Variants in ADGRL2 observed in about 807,000 individuals in gnomAD.
ADGRL2 encodes the protein adhesion G protein-coupled receptor L2.
In ADGRL2, 44 loss-of-function variants were observed where a neutral mutation model predicts 157.4. The observed-to-expected ratio is 0.28, with a 90% CI of 0.22 to 0.36. The LOEUF (loss-of-function observed/expected upper bound fraction) is 0.36, where lower values mean the gene tolerates loss of function less well. Among genes scored for constraint, ADGRL2 ranks in the 10% least tolerant of loss-of-function variants. ADGRL2 has a pLI of 1.00. For synonymous variants in ADGRL2, 585 were observed against 624.7 expected, an observed-to-expected ratio of 0.94 and a Z score of 0.95; for missense variants, 1,510 against 1,768.9, an observed-to-expected ratio of 0.85 and a Z score of 2.63.
intron 22 of ADGRL2, chr1:81,987,533 C>T: frequency 1.7e-6 from 1 of 586,922 alleles, no homozygotes; most frequent in Non-Finnish European, 3.1e-6. Flanking sequence ...AGAAAAATTT[C>T]AGAATAAAGT....
chr1:81,481,657 T>A (rs1234695663), intron 2 of ADGRL2, among the ~76,000 whole-genome samples: 1 of 152,182 alleles, frequency 6.6e-6, no homozygotes, highest in Non-Finnish European at 1.5e-5. Context: ...CTCTGGCACA[T>A]AGCTAAATAA....
intron 1 of ADGRL2, among the ~76,000 whole-genome samples, chr1:81,355,851 C>G (rs1663245239): frequency 6.6e-6 from 1 of 152,174 alleles, no homozygotes. Context: ...GTCTTCGTAA[C>G]CCCTGGATTA....
chr1:81,984,835 T>A, intron 20 of ADGRL2, 124 bp downstream of exon 20: 1 of 1,119,928 alleles, frequency 8.9e-7, no homozygotes, highest in Non-Finnish European at 1.3e-6. Context: ...ATACTTGCTT[T>A]TTTAGTATTT....
chr1:81,718,411 T>C (rs1156664587), intron 1 of ADGRL2, among the ~76,000 whole-genome samples: 2 of 152,138 alleles, frequency 1.3e-5, no homozygotes, highest in African/African-American at 2.4e-5. Context: ...TAGTTCATGT[T>C]CACACATTAG....
At chr1:81,502,064 G>T in intron 2 of ADGRL2, 1 of 1,601,832 alleles carries the variant, frequency 6.2e-7, no homozygotes, top group Non-Finnish European at 8.5e-7. Flanking sequence ...TGAGGAAGAG[G>T]ACGGAGGTTT....
In ADGRL2 at chr1:81,950,185, A is replaced by G. The variant is rs201315676; in HGVS notation, c.1211-4A>G. The G allele has an allele frequency of 2.2e-4, 353 of 1,611,716 alleles. 1 individual carries two copies. Among genetic ancestry groups the G allele is most frequent in the Middle Eastern group, 4.9e-4 (3 of 6,070 alleles). On this transcript the variant is annotated splice_region_variant and splice_polypyrimidine_tract_variant and intron_variant, in intron 6 of 23. Transcript: ENST00000686636. ...AGATTAATATACTCATCTTTTTTCC[A>G]TAGTGCCTACCACAGCTGTGACAAT...
At position 81,990,576 on chromosome 1, in the gene ADGRL2, A is replaced by G; in HGVS notation, c.3841A>G (p.Asn1281Asp). The G allele has an allele frequency of 6.2e-7, 1 of 1,614,144 alleles. No individual in the cohort carries two copies. The highest frequency in any genetic ancestry group is 8.5e-7 in the Non-Finnish European group (1 of 1,180,028). ...GATCATTTCAGAATTAGTGCACAAC[A>G]ACTTACGGGGCAGCAGCAAGACTCA... is the stretch of plus-strand genomic sequence containing the variant. ...KMIISELVHN[N>D]LRGSSKTHNL... Residue 1281 changes from asparagine to aspartate, a missense_variant, in exon 24 of 24, where the codon AAC becomes GAC. This residue lies in a region of ADGRL2 where 327 missense variants were observed against 310.1 expected (regional missense o/e 1.05). Transcript: ENST00000686636.
chr1:81,402,246 G>A (rs1360441665), intron 1 of ADGRL2, among the ~76,000 whole-genome samples: 2 of 152,194 alleles, frequency 1.3e-5, no homozygotes, highest in Non-Finnish European at 2.9e-5. Flanking sequence ...CAAACAGACA[G>A]CACCATGGCT....
intron 1 of ADGRL2, among the ~76,000 whole-genome samples, chr1:81,405,200 C>T (rs1570873143): frequency 6.6e-6 from 1 of 152,154 alleles, no homozygotes; most frequent in East Asian, 1.9e-4. Flanking sequence ...TGCTTTCTTT[C>T]ACTTTCTCAG....
chr1:81,369,984 T>C (rs2076134280), intron 1 of ADGRL2, among the ~76,000 whole-genome samples: 1 of 152,134 alleles, frequency 6.6e-6, no homozygotes, highest in South Asian at 2.1e-4. Context: ...AGTGATGTCA[T>C]CAGTTAGTAA....
chr1:81,572,991 A>G (rs2080726140), intron 2 of ADGRL2, among the ~76,000 whole-genome samples: 1 of 151,636 alleles, frequency 6.6e-6, no homozygotes, highest in African/African-American at 2.4e-5. Flanking sequence ...ACCAATAACA[A>G]TTTCACAGGT....
At chr1:81,348,030 G>A (rs1429306427) in intron 1 of ADGRL2, among the ~76,000 whole-genome samples, 1 of 152,198 alleles carries the variant, frequency 6.6e-6, no homozygotes, top group African/African-American at 2.4e-5. Context: ...AGAGGGCAAG[G>A]CTACTTCCTC....
intron 1 of ADGRL2, among the ~76,000 whole-genome samples, chr1:81,371,487 T>C (rs1235091712): frequency 2.6e-5 from 4 of 152,210 alleles, no homozygotes; most frequent in South Asian, 4.1e-4. Context: ...CTATTAATAT[T>C]GACACTTGTA....
intron 2 of ADGRL2, among the ~76,000 whole-genome samples, chr1:81,566,401 A>G (rs377001579): frequency 1.8e-4 from 27 of 152,324 alleles, no homozygotes; most frequent in South Asian, 1.2e-3. Flanking sequence ...TGAGACCGGA[A>G]AATAATAAAG....
intron 3 of ADGRL2, among the ~76,000 whole-genome samples, chr1:81,600,124 C>T (rs922207012): frequency 6.6e-6 from 1 of 152,188 alleles, no homozygotes; most frequent in Admixed American, 6.5e-5. Context: ...TTTTCAAAAT[C>T]AGACATGCTG....
intron 3 of ADGRL2, among the ~76,000 whole-genome samples, chr1:81,930,478 C>T (rs944002386): frequency 2.6e-5 from 4 of 152,080 alleles, no homozygotes; most frequent in Non-Finnish European, 5.9e-5. Flanking sequence ...GACCTGAGAA[C>T]ATTGATTACA....
chr1:81,760,859 A>G (rs142531642), intron 1 of ADGRL2, among the ~76,000 whole-genome samples: 21 of 151,998 alleles, frequency 1.4e-4, no homozygotes, highest in South Asian at 4.1e-4. Context: ...AAAAATCAAT[A>G]CATATAACAT....
intron 1 of ADGRL2, among the ~76,000 whole-genome samples, chr1:81,419,769 T>C (rs2077093940): frequency 6.6e-6 from 1 of 152,200 alleles, no homozygotes. Flanking sequence ...GAATCACAAA[T>C]GCTGTAGTGC....
At chr1:81,550,643 T>C (rs772765320) in intron 2 of ADGRL2, among the ~76,000 whole-genome samples, 4 of 152,126 alleles carry the variant, frequency 2.6e-5, no homozygotes, top group Non-Finnish European at 4.4e-5. Flanking sequence ...GCACGCCGAG[T>C]TGGCAGTCCT....
Sources: allele counts gnomAD v4.1 joint callset (sites outside exome capture counted in the v4.1 genomes callset), GRCh38; gene constraint gnomAD v4.1.1; regional missense constraint gnomAD v4.1.1; transcripts MANE v1.5; gene names NCBI Gene and HGNC (gene_info 2026-07-23, HGNC 2026-07-21).